NNT: variants seen among roughly 807,000 people sequenced by gnomAD.
The protein encoded by NNT is nicotinamide nucleotide transhydrogenase.
A neutral mutation model predicts 104.8 loss-of-function variants in NNT; 50 were observed. That is an observed-to-expected ratio of 0.48 (90% CI 0.38 to 0.60). The LOEUF (loss-of-function observed/expected upper bound fraction) is 0.60. NNT is among the 20% of genes least tolerant of loss of function. NNT has a pLI of 0.00. For synonymous variants in NNT, 461 were observed against 490.4 expected (o/e 0.94, Z 0.79); for missense variants, 1,131 against 1,330.7 (o/e 0.85, Z 2.33).
At chr5:43,638,834 T>C (rs180897107) in intron 7 of NNT, among the ~76,000 whole-genome samples, 1 of 152,094 alleles carries the variant, frequency 6.6e-6, no homozygotes, top group African/African-American at 2.4e-5. Flanking sequence ...GTCTTGTTAT[T>C]TTAAATATTT....
At chr5:43,621,439 G>A (rs929156702) in intron 5 of NNT, among the ~76,000 whole-genome samples, 1 of 152,150 alleles carries the variant, frequency 6.6e-6, no homozygotes, top group Non-Finnish European at 1.5e-5. Context: ...AGGAGCTGGG[G>A]ATATGGCATG....
At position 43,675,582 on chromosome 5, in the gene NNT, C is replaced by T. The variant is rs1238034518; in HGVS notation, c.2706C>T (p.Pro902=). 1.9e-6 allele frequency: 3 copies of T among 1,613,644 alleles called. No individual in the cohort carries two copies. Among genetic ancestry groups the T allele is most frequent in the Non-Finnish European group, 1.7e-6 (2 of 1,179,856 alleles). The stretch of plus-strand genomic sequence containing the variant: ...CCACTTCAACAGCTGGTGGAAAACC[C>T]ATGGAAATTTCTGGCACACATACGG... ...YGTTSTAGGK[P]MEISGTHTEI... The change falls in exon 18 of 22, where the codon CCC becomes CCT. Residue 902 remains proline (P), a synonymous_variant. Coordinates refer to ENST00000344920, the MANE Select transcript of NNT (RefSeq NM_182977.3).
intron 7 of NNT, among the ~76,000 whole-genome samples, chr5:43,632,172 T>C (rs1353073501): frequency 2.6e-5 from 4 of 152,186 alleles, no homozygotes; most frequent in African/African-American, 7.2e-5. Context: ...CCTTTACTGG[T>C]TTATGTCCTG....
intron 19 of NNT, among the ~76,000 whole-genome samples, chr5:43,689,346 G>T (rs576043565): frequency 1.3e-5 from 2 of 152,086 alleles, no homozygotes; most frequent in Non-Finnish European, 2.9e-5. Flanking sequence ...GTCTGTGAAT[G>T]AACTCTGTTG....
At chr5:43,677,330 TAAC>T (rs1190992301) in intron 18 of NNT, among the ~76,000 whole-genome samples, 1 of 151,042 alleles carries the variant, frequency 6.6e-6, no homozygotes, top group Non-Finnish European at 1.5e-5. Flanking sequence ...GAAAGAATAA[TAAC>T]AAAGTTAGGC....
chr5:43,651,680 C>T, intron 12 of NNT, 59 bp from the exon 13 acceptor site: 1 of 1,555,344 alleles, frequency 6.4e-7, no homozygotes, highest in Non-Finnish European at 8.8e-7. Flanking sequence ...TTTAAAAAAT[C>T]ATGTTGCTCA....
At chr5:43,687,580 G>A (rs991638000) in intron 19 of NNT, among the ~76,000 whole-genome samples, 2 of 152,104 alleles carry the variant, frequency 1.3e-5, no homozygotes, top group African/African-American at 4.8e-5. Context: ...ACATTTGACT[G>A]TATTCTGTTA....
At chr5:43,610,006 A>T (rs1229131530) in intron 2 of NNT, among the ~76,000 whole-genome samples, 5 of 152,102 alleles carry the variant, frequency 3.3e-5, no homozygotes, top group Admixed American at 3.3e-4. Context: ...TAATCTTTTT[A>T]AAATGTACAG....
chr5:43,644,195 A>G lies in NNT; in HGVS notation c.968A>G (p.Lys323Arg). ...CTGCTTTCTTTGATTTTATTAGGTAAAAAAGCTCCAGTTTTATTTAATAAA... is the reference window on the plus strand; with the variant it reads ...CTGCTTTCTTTGATTTTATTAGGTAGAAAAGCTCCAGTTTTATTTAATAAA... Reference protein sequence around the residue: ...ILISTALIPGKKAPVLFNKEM... With the variant: ...ILISTALIPGRKAPVLFNKEM... The change falls in exon 8 of 22, where the codon AAA (lysine) becomes AGA (arginine). Residue 323 changes from lysine to arginine, a missense_variant. Coordinates refer to ENST00000344920, the MANE Select transcript of NNT (RefSeq NM_182977.3). The G allele has an allele frequency of 6.2e-7, 1 of 1,600,980 alleles. No homozygotes were observed. Among genetic ancestry groups the G allele is most frequent in the Non-Finnish European group, 8.5e-7 (1 of 1,175,630 alleles).
chr5:43,695,692 G>A (rs185614856), intron 19 of NNT, among the ~76,000 whole-genome samples: 2 of 152,162 alleles, frequency 1.3e-5, no homozygotes, highest in African/African-American at 2.4e-5. Flanking sequence ...AAAGACTTAC[G>A]TGAGATTGGG....
intron 11 of NNT, among the ~76,000 whole-genome samples, chr5:43,649,643 C>T (rs187902283): frequency 7.3e-5 from 11 of 151,192 alleles, no homozygotes; most frequent in African/African-American, 2.7e-4. Context: ...TCCACAGAAT[C>T]ATAGCTGCAA....
In NNT at chr5:43,682,208, CTTTTTTT is replaced by C. The variant is rs71610326; in HGVS notation, c.2876+4418_2876+4424del. On this transcript the variant is annotated intron_variant, in intron 19 of 21. Transcript: ENST00000344920. Reference sequence around the variant, plus strand: ...GTCCATCTAACTGTCTAACTGGATTCTTTTTTTTTTTTTTTTTTTTTTGTTGGAATCT... The same window carrying C: ...GTCCATCTAACTGTCTAACTGGATTCTTTTTTTTTTTTTTTGTTGGAATCT... 1.7e-4 allele frequency among the ~76,000 whole-genome samples: 17 copies of C among 100,248 alleles called. No homozygotes were observed. The South Asian group carries it at 2.7e-3, about 16-fold the overall frequency. The allele number at this position is 100,248 out of a possible 152,430, so 65.8% of individuals were successfully genotyped here.
intron 5 of NNT, among the ~76,000 whole-genome samples, chr5:43,620,147 C>G (rs1392711653): frequency 6.6e-6 from 1 of 152,174 alleles, no homozygotes; most frequent in Non-Finnish European, 1.5e-5. Context: ...ATCCAAACCA[C>G]AGCACTAGGT....
chr5:43,676,996 G>A (rs1741448531), intron 18 of NNT, among the ~76,000 whole-genome samples: 1 of 152,120 alleles, frequency 6.6e-6, no homozygotes, highest in South Asian at 2.1e-4. Context: ...TGGACAGAAA[G>A]GAGGGTGAAG....
intron 15 of NNT, 99 bp from the exon 16 acceptor site, chr5:43,656,554 T>A: frequency 8.8e-7 from 1 of 1,132,060 alleles, no homozygotes; most frequent in Non-Finnish European, 1.3e-6. Flanking sequence ...ATCCTCATAA[T>A]CCTTGGTTAG....
At chr5:43,632,839 C>G (rs753311911) in intron 7 of NNT, among the ~76,000 whole-genome samples, 5 of 152,134 alleles carry the variant, frequency 3.3e-5, no homozygotes, top group Admixed American at 1.3e-4. Flanking sequence ...GATCTGAAAC[C>G]CTTTTAGAGA....
At chr5:43,642,984 G>A (rs996581297) in intron 7 of NNT, among the ~76,000 whole-genome samples, 1 of 152,172 alleles carries the variant, frequency 6.6e-6, no homozygotes, top group African/African-American at 2.4e-5. Context: ...GAGTGCAGTG[G>A]TGCAAAAATA....
intron 19 of NNT, among the ~76,000 whole-genome samples, chr5:43,689,208 C>T (rs1742138008): frequency 6.6e-6 from 1 of 152,098 alleles, no homozygotes; most frequent in South Asian, 2.1e-4. Flanking sequence ...TATTCATGTC[C>T]TTAGGCCACT....
chr5:43,648,920 A>T (rs1444145223), intron 10 of NNT, among the ~76,000 whole-genome samples: 1 of 152,182 alleles, frequency 6.6e-6, no homozygotes, highest in Non-Finnish European at 1.5e-5. Context: ...ATATTACTAG[A>T]TCTTTATAGC....
Sources: allele counts gnomAD v4.1 joint callset (sites outside exome capture counted in the v4.1 genomes callset), GRCh38; gene constraint gnomAD v4.1.1; transcripts MANE v1.5; gene names NCBI Gene and HGNC (gene_info 2026-07-23, HGNC 2026-07-21).